UTRN: variants seen among roughly 807,000 people sequenced by gnomAD.
UTRN encodes the protein utrophin.
Under a neutral mutation model 463.9 loss-of-function variants are expected in UTRN, and 283 were observed. The observed-to-expected ratio is 0.61, with a 90% CI of 0.55 to 0.67. The LOEUF (loss-of-function observed/expected upper bound fraction) is 0.67. Among genes scored for constraint, UTRN ranks in the 30% least tolerant of loss-of-function variants. The probability of loss-of-function intolerance (pLI) is 0.00; values close to 1 mark genes in which losing one functional copy is unlikely to be tolerated. For synonymous variants in UTRN, 1,442 were observed against 1,431.5 expected (o/e 1.01, Z -0.17); for missense variants, 3,922 against 4,084.3 (o/e 0.96, Z 1.08).
intron 2 of UTRN, among the ~76,000 whole-genome samples, chr6:144,327,332 G>C (rs954314774): frequency 6.6e-6 from 1 of 152,158 alleles, no homozygotes; most frequent in East Asian, 1.9e-4. Context: ...GTCAGAACCT[G>C]TCCTAATTTG....
intron 69 of UTRN, among the ~76,000 whole-genome samples, chr6:144,831,235 C>A (rs560466218): frequency 6.6e-6 from 1 of 152,274 alleles, no homozygotes; most frequent in South Asian, 2.1e-4. Flanking sequence ...GCAAAAGGGA[C>A]TTTGCCACAG....
At chr6:144,584,280 TTA>T (rs1802252235) in intron 51 of UTRN, among the ~76,000 whole-genome samples, 1 of 152,138 alleles carries the variant, frequency 6.6e-6, no homozygotes, top group African/African-American at 2.4e-5. Context: ...AAGTCAGCTG[TTA>T]TATGTTTGAT....
rs151173089 is a variant in UTRN at position 144,490,132 on chromosome 6, G to T, written c.4196G>T (p.Arg1399Leu). 1 of 1,613,582 alleles carries T rather than the reference G, an allele frequency of 6.2e-7. No homozygotes were observed. Among genetic ancestry groups the T allele is most frequent in the Non-Finnish European group, 8.5e-7 (1 of 1,179,782 alleles). Residue 1399 changes from arginine to leucine, a missense_variant, in exon 31 of 75, where the codon CGT (arginine) becomes CTT (leucine). Physicochemically the swap from Arg to Leu is moderately radical, Grantham distance 102 (BLOSUM62 -2). Around this residue, in one of 3 missense-constraint regions of UTRN, gnomAD observed 2,349 missense variants for 2,303.8 expected, o/e 1.02. Transcript: ENST00000367545. ...LTLEELRRNM[R>L]SQPLTSPESR... is the part of the protein sequence containing the mutation. Reference sequence around the variant, plus strand: ...CTAGAGGAGTTGAGAAGAAATATGCGTTCTCAGCCCCTGACCTCCCCAGAG... The same window carrying T: ...CTAGAGGAGTTGAGAAGAAATATGCTTTCTCAGCCCCTGACCTCCCCAGAG...
chr6:144,294,505 A>G (rs1804517063), intron 2 of UTRN, among the ~76,000 whole-genome samples: 2 of 152,142 alleles, frequency 1.3e-5, no homozygotes, highest in African/African-American at 4.8e-5. Flanking sequence ...TACATGCTGT[A>G]TGCCAAATTG....
At chr6:144,403,008 G>T in intron 2 of UTRN, 115 bp from the exon 3 acceptor site, 1 of 891,592 alleles carries the variant, frequency 1.1e-6, no homozygotes, top group Non-Finnish European at 1.8e-6. Context: ...TGCTCAAGGA[G>T]CTCGACTAAT....
rs375396755 is a variant in UTRN, at chr6:144,522,164, C to G, written c.5726C>G (p.Ser1909Cys). The G allele has an allele frequency of 1.8e-5, 27 of 1,539,380 alleles. No homozygotes were observed. Among genetic ancestry groups the G allele is most frequent in the Non-Finnish European group, 2.4e-5 (27 of 1,144,128 alleles). Residue 1909 changes from serine (S) to cysteine (C), a missense_variant, in exon 40 of 75, where the codon TCT becomes TGT. Physicochemically the swap from Ser to Cys is moderately radical, Grantham distance 112 (BLOSUM62 -1). This residue lies in a region of UTRN where 2,349 missense variants were observed against 2,303.8 expected (regional missense o/e 1.02). Coordinates refer to ENST00000367545, the MANE Select transcript of UTRN (RefSeq NM_007124.3). ...IYEDFSFQED[S>C]LKNIKDQLDK... Reference sequence around the variant, plus strand: ...GAAGACTTCTCTTTTCAGGAAGACTCTCTGAAGGTAGACCTCTGGGCACTG... The same window carrying G: ...GAAGACTTCTCTTTTCAGGAAGACTGTCTGAAGGTAGACCTCTGGGCACTG...
chr6:144,730,196 T>A (rs905073346), intron 53 of UTRN, among the ~76,000 whole-genome samples, 161 bp from the exon 54 acceptor site: 7 of 152,218 alleles, frequency 4.6e-5, no homozygotes, highest in African/African-American at 1.7e-4. Flanking sequence ...TTTTCTTCAT[T>A]CATATCTATA....
chr6:144,644,307 G>A (rs1778073444), intron 51 of UTRN, among the ~76,000 whole-genome samples: 1 of 152,158 alleles, frequency 6.6e-6, no homozygotes, highest in South Asian at 2.1e-4. Context: ...ATCCAGAGAT[G>A]CAAAATATAA....
At chr6:144,315,952 C>G (rs976053913) in intron 2 of UTRN, among the ~76,000 whole-genome samples, 1 of 152,164 alleles carries the variant, frequency 6.6e-6, no homozygotes, top group African/African-American at 2.4e-5. Flanking sequence ...CAGGACTGTT[C>G]CCTGTACACT....
At chr6:144,420,454 C>T (rs1784734839) in intron 3 of UTRN, among the ~76,000 whole-genome samples, 1 of 152,162 alleles carries the variant, frequency 6.6e-6, no homozygotes, top group Non-Finnish European at 1.5e-5. Flanking sequence ...ATGCGGTGAT[C>T]ACCCCATTGC....
intron 51 of UTRN, among the ~76,000 whole-genome samples, chr6:144,578,297 A>C (rs1034554353): frequency 6.6e-6 from 1 of 152,222 alleles, no homozygotes; most frequent in African/African-American, 2.4e-5. Context: ...TGCCATGCTC[A>C]CATCAGTTTG....
rs577315390 is a variant in UTRN at position 144,470,905 on chromosome 6, G to A, written c.3067-2815G>A. Among the ~76,000 whole-genome samples, 665 of 151,658 alleles carry A rather than the reference G, an allele frequency of 4.4e-3. 3 individuals are homozygous for A. Among genetic ancestry groups the A allele is most frequent in the African/African-American group, 0.015 (639 of 41,268 alleles). The stretch of plus-strand genomic sequence containing the variant: ...GTCAGGCGTGGCGGCGCGCACCTGC[G>A]ATCCCAGGCACTCGGCAGGCTGAGG... On this transcript the variant is annotated intron_variant, in intron 23 of 74. Coordinates refer to ENST00000367545, the MANE Select transcript of UTRN (RefSeq NM_007124.3).
At chr6:144,437,420 GGTCAAT>G in intron 10 of UTRN, 139 bp from the exon 11 acceptor site, 1 of 644,758 alleles carries the variant, frequency 1.6e-6, no homozygotes, top group Non-Finnish European at 2.4e-6. Context: ...TAAAAAATGT[GGTCAAT>G]GTCTATTTTA....
At position 144,436,086 on chromosome 6, in the gene UTRN, ATG is replaced by A. The variant is rs1302239972; in HGVS notation, c.1008_1009del (p.Asp336GlufsTer4). 6.2e-7 allele frequency: 1 copy of A among 1,614,256 alleles called. No individual in the cohort carries two copies. Among genetic ancestry groups the A allele is most frequent in the Admixed American group, 1.7e-5 (1 of 60,034 alleles). On this transcript the variant is annotated frameshift_variant, in exon 10 of 75. Coordinates refer to ENST00000367545, the MANE Select transcript of UTRN (RefSeq NM_007124.3). LOFTEE classifies it high-confidence loss of function. Reference sequence around the variant, plus strand: ...GCTGAGGACACTTTCCAGGAGCAGGATGATATTTCTGATGATGTTGAAGAAGT... The same window carrying A: ...GCTGAGGACACTTTCCAGGAGCAGGAATATTTCTGATGATGTTGAAGAAGT...
In UTRN at chr6:144,453,875, A is replaced by C; in HGVS notation, c.2284+6A>C. ...TGTGGAGCAAATGGGAAAAGGTAAG[A>C]TCCTTGATTTTTTTCCCCTATATTT... is the stretch of plus-strand genomic sequence containing the variant. On this transcript the variant is annotated splice_donor_region_variant and intron_variant, in intron 19 of 74. Transcript: ENST00000367545. 6.2e-7 allele frequency: 1 copy of C among 1,610,932 alleles called. No homozygotes were observed. Among genetic ancestry groups the C allele is most frequent in the South Asian group, 1.1e-5 (1 of 90,680 alleles).
chr6:144,781,792 A>G (rs1186023652), intron 60 of UTRN, 130 bp from the exon 61 acceptor site: 5 of 629,392 alleles, frequency 7.9e-6, no homozygotes, highest in African/African-American at 1.8e-5. Flanking sequence ...AAATTTAGCT[A>G]AAAAGGATAG....
At chr6:144,414,159 C>T (rs1784168664) in intron 3 of UTRN, among the ~76,000 whole-genome samples, 1 of 151,948 alleles carries the variant, frequency 6.6e-6, no homozygotes, top group Admixed American at 6.6e-5. Flanking sequence ...TACAAAACAG[C>T]CTCAGGCAGT....
chr6:144,301,501 A>C (rs1805243257), intron 2 of UTRN, among the ~76,000 whole-genome samples: 1 of 142,940 alleles, frequency 7.0e-6, no homozygotes, highest in African/African-American at 2.5e-5. Context: ...GGAGACATTT[A>C]GGGAAGTCTC....
In UTRN at chr6:144,445,559, T is replaced by TC. The variant is rs150795267; in HGVS notation, c.1614+1185dup. Among the ~76,000 whole-genome samples the TC allele has an allele frequency of 7.2e-3, 1,040 of 145,140 alleles. 20 individuals are homozygous for TC. Among genetic ancestry groups the TC allele is most frequent in the African/African-American group, 0.022 (834 of 37,902 alleles). ...CAAATATAAATTGTTAATGACTACT[T>TC]CCCCCCCCGCCCTCAATCTGTGGTC... On this transcript the variant is annotated intron_variant, in intron 14 of 74. Transcript: ENST00000367545.
Sources: allele counts gnomAD v4.1 joint callset (sites outside exome capture counted in the v4.1 genomes callset), GRCh38; gene constraint gnomAD v4.1.1; regional missense constraint gnomAD v4.1.1; transcripts MANE v1.5; gene names NCBI Gene and HGNC (gene_info 2026-07-23, HGNC 2026-07-21).